The following HMGCLL1 variants were observed in gnomAD, a reference collection of about 807,000 sequenced individuals.
The protein encoded by HMGCLL1 is 3-hydroxy-3-methylglutaryl-CoA lyase like 1, also known as 3-hydroxymethyl-3-methylglutaryl-CoA lyase, cytoplasmic.
HMGCLL1 carries 36 observed loss-of-function variants against 39.1 expected under a neutral mutation model. The ratio of observed to expected loss-of-function variants is 0.92; its 90% CI spans 0.71 to 1.22. HMGCLL1 has a LOEUF of 1.22. Ranked by LOEUF, HMGCLL1 falls within the 50% of genes most tolerant of loss-of-function variation. The pLI, the probability that HMGCLL1 is intolerant of heterozygous loss-of-function variation, is 0.00. For missense variants in HMGCLL1, 451 were observed against 416.5 expected (o/e 1.08, Z -0.72); for synonymous variants, 149 against 144.0 (o/e 1.03, Z -0.25).
the HMGCLL1 span, among the ~76,000 whole-genome samples, chr6:55,664,627 T>A: frequency 6.6e-6 from 1 of 151,744 alleles, no homozygotes. Flanking sequence ...CTTAGGGCCT[T>A]AAAACAATAA....
At chr6:55,545,212 CAA>C (rs766554353) in intron 1 of HMGCLL1, among the ~76,000 whole-genome samples, 11 of 20,590 alleles carry the variant, frequency 5.3e-4, no homozygotes, top group South Asian at 2.5e-3. Flanking sequence ...CAATGTTTGC[CAA>C]AAAAAAAAAA....
Position 55,547,540 on chromosome 6 carries a change from A to G in HMGCLL1, c.109-5400T>C, listed in dbSNP as rs367739868. ...TCATGCACTTCATTTCTTGAGAAGTATTTTTTTGTGTAAATAAGGTCTTTA... is the reference window on the plus strand; with the variant it reads ...TCATGCACTTCATTTCTTGAGAAGTGTTTTTTTGTGTAAATAAGGTCTTTA... On this transcript the variant is annotated intron_variant, in intron 1 of 8. Coordinates refer to ENST00000274901, the MANE Select transcript of HMGCLL1 (RefSeq NM_001042406.2). Among the ~76,000 whole-genome samples the G allele has an allele frequency of 4.1e-4, 62 of 149,750 alleles. No individual in the cohort carries two copies. The East Asian group carries it at 8.3e-3, about 20-fold the overall frequency.
At chr6:55,615,781 C>T in the HMGCLL1 span, among the ~76,000 whole-genome samples, 1 of 152,048 alleles carries the variant, frequency 6.6e-6, no homozygotes. Context: ...AGACAACTTC[C>T]TCTCTACCAA....
At chr6:55,563,073 A>G (rs1771032184) in intron 1 of HMGCLL1, among the ~76,000 whole-genome samples, 1 of 152,088 alleles carries the variant, frequency 6.6e-6, no homozygotes, top group South Asian at 2.1e-4. Context: ...GATAGTGTCA[A>G]TTTCAGTGGC....
At chr6:55,577,993 C>T (rs562189964) in intron 1 of HMGCLL1, among the ~76,000 whole-genome samples, 11 of 152,252 alleles carry the variant, frequency 7.2e-5, no homozygotes, top group African/African-American at 2.4e-4. Flanking sequence ...ATATGATACA[C>T]TAAACTGAGA....
the HMGCLL1 span, among the ~76,000 whole-genome samples, chr6:55,625,572 C>T: frequency 6.6e-6 from 1 of 152,158 alleles, no homozygotes; most frequent in Non-Finnish European, 1.5e-5. Context: ...ACTACAGCCC[C>T]TTTCTAGGAC....
At chr6:55,460,342 A>T (rs1390439956) in intron 7 of HMGCLL1, among the ~76,000 whole-genome samples, 1 of 152,014 alleles carries the variant, frequency 6.6e-6, no homozygotes, top group East Asian at 1.9e-4. Context: ...GTTGGTGTTT[A>T]GCTCTAAACC....
chr6:55,577,551 T>G (rs943060545), intron 1 of HMGCLL1, among the ~76,000 whole-genome samples: 1 of 152,148 alleles, frequency 6.6e-6, no homozygotes, highest in Non-Finnish European at 1.5e-5. Flanking sequence ...CTTCCATATC[T>G]TAGCAGGGCA....
At chr6:55,453,237 G>A (rs1764179320) in intron 7 of HMGCLL1, among the ~76,000 whole-genome samples, 1 of 152,194 alleles carries the variant, frequency 6.6e-6, no homozygotes, top group African/African-American at 2.4e-5. Context: ...GGAGCGCAGT[G>A]GTGCAATCTC....
the HMGCLL1 span, among the ~76,000 whole-genome samples, chr6:55,632,653 A>G: frequency 2.6e-5 from 4 of 151,982 alleles, no homozygotes; most frequent in African/African-American, 9.7e-5. Context: ...CCTACTTATT[A>G]TATCAATTGA....
upstream of HMGCLL1, among the ~76,000 whole-genome samples, chr6:55,583,526 C>T (rs1192293101): frequency 2.0e-5 from 3 of 152,040 alleles, no homozygotes. Context: ...GACATGAACT[C>T]ATCCTTTTTT....
At chr6:55,577,171 G>C (rs577458200) in intron 1 of HMGCLL1, 52 of 1,573,106 alleles carry the variant, frequency 3.3e-5, no homozygotes, top group Admixed American at 7.4e-5. Context: ...GAGAAGTCTA[G>C]GAAGATAAAG....
intron 5 of HMGCLL1, among the ~76,000 whole-genome samples, chr6:55,504,158 AAAAGT>A (rs1185083624): frequency 6.6e-6 from 1 of 151,790 alleles, no homozygotes; most frequent in African/African-American, 2.4e-5. Flanking sequence ...TTATTTCAAT[AAAAGT>A]AAGCTTCTTT....
the HMGCLL1 span, among the ~76,000 whole-genome samples, chr6:55,640,841 A>G: frequency 1.3e-5 from 2 of 151,826 alleles, no homozygotes; most frequent in Non-Finnish European, 2.9e-5. Context: ...CTGTTGTTTG[A>G]ATGGAATTCT....
intron 7 of HMGCLL1, among the ~76,000 whole-genome samples, chr6:55,492,258 G>A (rs543894575): frequency 6.6e-6 from 1 of 152,164 alleles, no homozygotes; most frequent in Non-Finnish European, 1.5e-5. Flanking sequence ...GGTTGGCCCT[G>A]TTCATAGTGA....
At chr6:55,655,536 G>GTAGACAGA in the HMGCLL1 span, among the ~76,000 whole-genome samples, 2 of 147,620 alleles carry the variant, frequency 1.4e-5, no homozygotes, top group Non-Finnish European at 3.0e-5. Context: ...AGTTATATTG[G>GTAGACAGA]TAGATAGATA....
At chr6:55,669,017 C>T in the HMGCLL1 span, among the ~76,000 whole-genome samples, 1 of 151,138 alleles carries the variant, frequency 6.6e-6, no homozygotes, top group African/African-American at 2.4e-5. Context: ...CCTCAGACTT[C>T]GCACAGTAAT....
At chr6:55,614,447 A>C in the HMGCLL1 span, among the ~76,000 whole-genome samples, 1 of 152,286 alleles carries the variant, frequency 6.6e-6, no homozygotes, top group East Asian at 1.9e-4. Context: ...CCCAGCCTCC[A>C]GAACTATGAG....
At chr6:55,529,866 A>G (rs1279505221) in intron 3 of HMGCLL1, among the ~76,000 whole-genome samples, 2 of 152,142 alleles carry the variant, frequency 1.3e-5, no homozygotes, top group African/African-American at 4.8e-5. Context: ...TTGAATAGAG[A>G]CACAATAAAA....
Sources: gnomAD v4.1 joint callset for allele counts (sites outside exome capture counted in the v4.1 genomes callset) on GRCh38, gnomAD v4.1.1 for gene constraint, MANE v1.5 for transcripts, NCBI Gene and HGNC (gene_info 2026-07-23, HGNC 2026-07-21) for gene names.